CTIF: variants seen among roughly 807,000 people sequenced by gnomAD.
CTIF encodes cap binding complex dependent translation initiation factor.
In CTIF, 21 loss-of-function variants were observed where a neutral mutation model predicts 66.0. The ratio of observed to expected loss-of-function variants is 0.32; its 90% CI spans 0.23 to 0.46. The LOEUF is 0.46. Ranked by LOEUF, CTIF falls within the 20% of genes least tolerant of loss-of-function variation. The pLI is 1.00. For synonymous variants in CTIF, 345 were observed against 326.4 expected (o/e 1.06, Z -0.62); for missense variants, 739 against 812.7 (o/e 0.91, Z 1.10).
At chr18:48,542,338 T>C (rs144136946) in intron 1 of CTIF, among the ~76,000 whole-genome samples, 50 of 152,366 alleles carry the variant, frequency 3.3e-4, no homozygotes, top group Admixed American at 1.8e-3. Flanking sequence ...TGAGTCTTTA[T>C]TGAATTCAAG....
chr18:48,734,436 C>T (rs1306949130), intron 7 of CTIF, among the ~76,000 whole-genome samples: 2 of 152,130 alleles, frequency 1.3e-5, no homozygotes, highest in Non-Finnish European at 2.9e-5. Flanking sequence ...TTTGGTGGCA[C>T]AGGCATGTAG....
rs996363455 is a variant in CTIF at position 48,589,140 on chromosome 18, C to T, written c.-28-30398C>T. ...TCTCATGCCTGCGTGTATGAGTTTC[C>T]CAGGACTATTGTCACGAATTATCAC... On this transcript the variant is annotated intron_variant, in intron 1 of 11. Transcript: ENST00000256413. Among the ~76,000 whole-genome samples the T allele has an allele frequency of 7.2e-5, 11 of 152,250 alleles. No individual in the cohort carries two copies. In the South Asian group the frequency reaches 2.3e-3, roughly 32 times the overall value.
chr18:48,841,192 T>C (rs1378700930), intron 10 of CTIF, among the ~76,000 whole-genome samples: 1 of 152,168 alleles, frequency 6.6e-6, no homozygotes, highest in Non-Finnish European at 1.5e-5. Flanking sequence ...CTAAGAAGCT[T>C]CTTCCCAGTC....
intron 9 of CTIF, among the ~76,000 whole-genome samples, chr18:48,808,401 G>A (rs1416666735): frequency 1.3e-5 from 2 of 151,926 alleles, no homozygotes; most frequent in Admixed American, 1.3e-4. Context: ...ATTTTCCTGA[G>A]CATATCAATT....
chr18:48,573,171 A>C (rs1475908863), intron 1 of CTIF, among the ~76,000 whole-genome samples: 1 of 152,150 alleles, frequency 6.6e-6, no homozygotes, highest in Admixed American at 6.5e-5. Flanking sequence ...ACTAAGAGGC[A>C]TTTGGGCTTC....
intron 9 of CTIF, among the ~76,000 whole-genome samples, chr18:48,778,537 C>T (rs79955138): frequency 0.012 from 1,777 of 152,216 alleles, 25 homozygotes; most frequent in African/African-American, 0.035. Context: ...AGGGGATGGC[C>T]GTTCAGCCTC....
chr18:48,721,621 ATTC>A (rs1328833565), intron 7 of CTIF, among the ~76,000 whole-genome samples: 1 of 152,074 alleles, frequency 6.6e-6, no homozygotes, highest in South Asian at 2.1e-4. Flanking sequence ...TGGACAAACC[ATTC>A]TTCTTATGTC....
chr18:48,725,438 G>A (rs1047224910), intron 7 of CTIF, among the ~76,000 whole-genome samples: 2 of 152,212 alleles, frequency 1.3e-5, no homozygotes, highest in Middle Eastern at 3.4e-3. Flanking sequence ...GGGGAGCCTC[G>A]GCGCCCTTTC....
chr18:48,638,058 G>A (rs1334822687), intron 3 of CTIF, among the ~76,000 whole-genome samples: 2 of 151,978 alleles, frequency 1.3e-5, no homozygotes, highest in Non-Finnish European at 2.9e-5. Flanking sequence ...CTTCTAGGGG[G>A]TGCCTCTGTC....
At chr18:48,725,754 A>G (rs2092380714) in intron 7 of CTIF, among the ~76,000 whole-genome samples, 1 of 152,138 alleles carries the variant, frequency 6.6e-6, no homozygotes, top group African/African-American at 2.4e-5. Flanking sequence ...CACACTGAGA[A>G]GCTCCCACGT....
At chr18:48,691,103 G>A (rs2091919135) in intron 6 of CTIF, among the ~76,000 whole-genome samples, 1 of 152,124 alleles carries the variant, frequency 6.6e-6, no homozygotes, top group South Asian at 2.1e-4. Flanking sequence ...GAAATGTCTT[G>A]GAATAGACAA....
chr18:48,712,945 C>T (rs2092243033), intron 7 of CTIF, among the ~76,000 whole-genome samples: 6 of 152,218 alleles, frequency 3.9e-5, no homozygotes, highest in Admixed American at 3.9e-4. Context: ...AAGGCAGTGT[C>T]CTGGCTTAGA....
At position 48,765,076 on chromosome 18, in the gene CTIF, C is replaced by T. The variant is rs945645892; in HGVS notation, c.1371+3387C>T. 5.3e-5 allele frequency among the ~76,000 whole-genome samples: 8 copies of T among 152,344 alleles called. 1 individual carries two copies. In the South Asian group the frequency reaches 1.4e-3, roughly 28 times the overall value. ...GGACAGCATAATTCATGGCCCCTCA[C>T]CACCCAAACCCGAGAGGTGCAAGAA... On this transcript the variant is annotated intron_variant, in intron 9 of 11. Transcript: ENST00000256413.
chr18:48,696,583 G>T (rs1284635742), intron 6 of CTIF, among the ~76,000 whole-genome samples: 1 of 152,220 alleles, frequency 6.6e-6, no homozygotes, highest in Non-Finnish European at 1.5e-5. Context: ...TTTGCAAGCT[G>T]ATCTGGCTTG....
intron 7 of CTIF, among the ~76,000 whole-genome samples, chr18:48,725,880 T>C (rs916393398): frequency 7.2e-5 from 11 of 152,138 alleles, no homozygotes; most frequent in African/African-American, 2.7e-4. Flanking sequence ...TCTGACTTTG[T>C]TGCCTGGAGG....
intron 1 of CTIF, among the ~76,000 whole-genome samples, chr18:48,603,499 G>GTGGATGGA (rs1158667685): frequency 7.2e-4 from 81 of 113,040 alleles, no homozygotes; most frequent in Middle Eastern, 5.4e-3. Flanking sequence ...GGGTGGGTGG[G>GTGGATGGA]TGGATGGATG....
intron 7 of CTIF, among the ~76,000 whole-genome samples, chr18:48,737,623 A>C (rs1439604507): frequency 6.6e-6 from 1 of 152,272 alleles, no homozygotes; most frequent in Non-Finnish European, 1.5e-5. Context: ...AACTGAAAAA[A>C]AAAAGCAAAG....
intron 3 of CTIF, among the ~76,000 whole-genome samples, chr18:48,646,164 T>C (rs1417436668): frequency 6.6e-6 from 1 of 152,056 alleles, no homozygotes; most frequent in Non-Finnish European, 1.5e-5. Flanking sequence ...GCAAAACATA[T>C]CTGACAAACG....
At chr18:48,767,241 G>T (rs1398319425) in intron 9 of CTIF, among the ~76,000 whole-genome samples, 2 of 152,218 alleles carry the variant, frequency 1.3e-5, no homozygotes, top group African/African-American at 4.8e-5. Flanking sequence ...GGGAATTGTG[G>T]TGTGATACAG....
Sources: gnomAD v4.1 joint callset for allele counts (sites outside exome capture counted in the v4.1 genomes callset) on GRCh38, gnomAD v4.1.1 for gene constraint, MANE v1.5 for transcripts, NCBI Gene and HGNC (gene_info 2026-07-23, HGNC 2026-07-21) for gene names.